NUBPL: variants seen among roughly 807,000 people sequenced by gnomAD.
The protein encoded by NUBPL is iron-sulfur cluster transfer protein NUBPL.
In NUBPL, 31 loss-of-function variants were observed where a neutral mutation model predicts 45.7. The observed-to-expected ratio is 0.68, with a 90% CI of 0.51 to 0.92. The LOEUF (loss-of-function observed/expected upper bound fraction) is 0.92, where lower values mean the gene tolerates loss of function less well. Ranked by LOEUF, NUBPL falls within the 40% of genes least tolerant of loss-of-function variation. The pLI is 0.00. For missense variants in NUBPL, 401 were observed against 398.7 expected, an observed-to-expected ratio of 1.01 and a Z score of -0.05; for synonymous variants, 144 against 140.9, an observed-to-expected ratio of 1.02 and a Z score of -0.15.
intron 4 of NUBPL, among the ~76,000 whole-genome samples, chr14:31,620,004 C>A: frequency 6.6e-6 from 1 of 151,864 alleles, no homozygotes. Flanking sequence ...TTTCACTAAT[C>A]TTCTCTTCTT....
intron 3 of NUBPL, chr14:31,578,174 T>C: frequency 2.3e-6 from 1 of 434,158 alleles, no homozygotes; most frequent in Non-Finnish European, 4.6e-6. Context: ...TAAGGGAGTT[T>C]ATATCTTGTG....
In NUBPL at chr14:31,627,759, C is replaced by CT. The variant is rs1357306242; in HGVS notation, c.382+28381dup. ...CCAGCCTGGGTGACAGAGTGAGACT[C>CT]TGTCTCAAAAAAAAAAAAAAAAAAT... On this transcript the variant is annotated intron_variant, in intron 4 of 10. Transcript: ENST00000281081. Among the ~76,000 whole-genome samples the CT allele has an allele frequency of 4.7e-5, 5 of 106,896 alleles. No homozygotes were observed. The East Asian group carries it at 1.4e-3, about 29-fold the overall frequency. 70.1% of individuals were successfully genotyped at this position (106,896 alleles called of 152,430 possible).
At chr14:31,840,749 C>T (rs2040358160) in intron 8 of NUBPL, among the ~76,000 whole-genome samples, 1 of 151,984 alleles carries the variant, frequency 6.6e-6, no homozygotes, top group East Asian at 1.9e-4. Flanking sequence ...ATGGTGGTTA[C>T]CAGGGGCTGG....
At chr14:31,822,565 GTC>G (rs1304295996) in intron 7 of NUBPL, among the ~76,000 whole-genome samples, 5 of 152,048 alleles carry the variant, frequency 3.3e-5, no homozygotes, top group African/African-American at 1.2e-4. Flanking sequence ...TTATGTTTCT[GTC>G]TTCTTCAACA....
At chr14:31,789,347 A>G (rs1362266682) in intron 7 of NUBPL, among the ~76,000 whole-genome samples, 1 of 151,958 alleles carries the variant, frequency 6.6e-6, no homozygotes, top group Non-Finnish European at 1.5e-5. Flanking sequence ...AAATAAATAA[A>G]TAAAAATAAA....
At chr14:31,771,912 C>A in intron 6 of NUBPL, 1 of 981,302 alleles carries the variant, frequency 1.0e-6, no homozygotes, top group Non-Finnish European at 1.2e-6. Context: ...TGGGATAGTT[C>A]TTCAGATCAT....
chr14:31,581,599 A>G (rs528140961), intron 3 of NUBPL, among the ~76,000 whole-genome samples: 138 of 152,322 alleles, frequency 9.1e-4, no homozygotes, highest in African/African-American at 3.0e-3. Context: ...GCTTTTAGCA[A>G]CTATGTGAAT....
At chr14:31,835,702 T>G (rs1595694701) in intron 8 of NUBPL, among the ~76,000 whole-genome samples, 1 of 151,692 alleles carries the variant, frequency 6.6e-6, no homozygotes, top group African/African-American at 2.4e-5. Flanking sequence ...GGCCCCCCCA[T>G]TCATTGTTCT....
chr14:31,687,074 C>T (rs1047816200), intron 6 of NUBPL, among the ~76,000 whole-genome samples: 2 of 152,170 alleles, frequency 1.3e-5, no homozygotes, highest in African/African-American at 4.8e-5. Flanking sequence ...GATCATGCTG[C>T]TGCACTCCAG....
intron 6 of NUBPL, among the ~76,000 whole-genome samples, chr14:31,774,476 G>T (rs999370992): frequency 6.6e-6 from 1 of 152,176 alleles, no homozygotes; most frequent in African/African-American, 2.4e-5. Flanking sequence ...TTCAGAGTGA[G>T]ACCTGATTGC....
At chr14:31,633,343 A>C (rs1441937248) in intron 4 of NUBPL, among the ~76,000 whole-genome samples, 1 of 152,252 alleles carries the variant, frequency 6.6e-6, no homozygotes, top group Non-Finnish European at 1.5e-5. Context: ...TCTAAAAATA[A>C]AACACTTTTA....
At position 31,775,144 on chromosome 14, in the gene NUBPL, A is replaced by G. The variant is rs60969313; in HGVS notation, c.514-12636A>G. ...TATTTGGATCCAAAAGTGGCTGGGC[A>G]TGGTGGCTCATGCCTGTACTCCCAA... On this transcript the variant is annotated intron_variant, in intron 6 of 10. Transcript: ENST00000281081. Among the ~76,000 whole-genome samples, 1,371 of 152,318 alleles carry G rather than the reference A, an allele frequency of 9.0e-3. 24 individuals carry two copies. The highest frequency in any genetic ancestry group is 0.031 in the African/African-American group (1,293 of 41,568).
intron 4 of NUBPL, among the ~76,000 whole-genome samples, chr14:31,671,423 A>G (rs2036567847): frequency 6.6e-6 from 1 of 152,222 alleles, no homozygotes; most frequent in Admixed American, 6.5e-5. Context: ...AAACAACTGC[A>G]TTATAATTAA....
At chr14:31,679,895 G>A (rs1300632089) in intron 6 of NUBPL, among the ~76,000 whole-genome samples, 1 of 152,090 alleles carries the variant, frequency 6.6e-6, no homozygotes, top group Non-Finnish European at 1.5e-5. Context: ...CATTTTGTTA[G>A]AGATTCTTTA....
At chr14:31,667,999 G>A (rs1403568525) in intron 4 of NUBPL, 2 of 152,830 alleles carry the variant, frequency 1.3e-5, no homozygotes, top group Non-Finnish European at 2.9e-5. Context: ...AACTCCTGCT[G>A]GGAGGTGTCT....
At chr14:31,751,881 C>T (rs1453152322) in intron 6 of NUBPL, among the ~76,000 whole-genome samples, 1 of 152,206 alleles carries the variant, frequency 6.6e-6, no homozygotes, top group Non-Finnish European at 1.5e-5. Flanking sequence ...TCCCAAAGCT[C>T]AATTCTTGCC....
At chr14:31,698,797 T>C (rs575987265) in intron 6 of NUBPL, among the ~76,000 whole-genome samples, 1 of 152,302 alleles carries the variant, frequency 6.6e-6, no homozygotes, top group South Asian at 2.1e-4. Context: ...TTTCGTATTA[T>C]TATTAATGTG....
intron 4 of NUBPL, among the ~76,000 whole-genome samples, chr14:31,601,035 C>G (rs1398827106): frequency 1.3e-5 from 2 of 151,936 alleles, no homozygotes; most frequent in African/African-American, 2.4e-5. Flanking sequence ...GCTTGTTTTT[C>G]TCAGGTTTGT....
At chr14:31,849,523 T>C (rs945673071) in intron 9 of NUBPL, among the ~76,000 whole-genome samples, 1 of 152,170 alleles carries the variant, frequency 6.6e-6, no homozygotes, top group Non-Finnish European at 1.5e-5. Context: ...GTTCTTATCA[T>C]ATACTTGCTG....
Sources: allele counts gnomAD v4.1 joint callset (sites outside exome capture counted in the v4.1 genomes callset), GRCh38; gene constraint gnomAD v4.1.1; transcripts MANE v1.5; gene names NCBI Gene and HGNC (gene_info 2026-07-23, HGNC 2026-07-21).